The following ARID5B variants were observed in gnomAD, a reference collection of about 807,000 sequenced individuals.
ARID5B encodes AT-rich interactive domain-containing protein 5B.
A neutral mutation model predicts 97.2 loss-of-function variants in ARID5B; 13 were observed. The observed-to-expected ratio is 0.13, with a 90% CI of 0.09 to 0.21. The LOEUF (loss-of-function observed/expected upper bound fraction) is 0.21, where lower values mean the gene tolerates loss of function less well. ARID5B is among the 10% of genes least tolerant of loss of function. The probability of loss-of-function intolerance (pLI) is 1.00; values close to 1 mark genes in which losing one functional copy is unlikely to be tolerated. For synonymous variants in ARID5B, 556 were observed against 570.3 expected (o/e 0.97, Z 0.36); for missense variants, 1,210 against 1,465.3 (o/e 0.83, Z 2.84).
intron 1 of ARID5B, among the ~76,000 whole-genome samples, 177 bp downstream of exon 1, chr10:61,901,907 C>T (rs1843621282): frequency 6.6e-6 from 1 of 151,098 alleles, no homozygotes; most frequent in African/African-American, 2.4e-5. Flanking sequence ...ACTGATCATA[C>T]ATACATAATG....
chr10:61,985,125 G>C (rs1838829154), intron 3 of ARID5B, among the ~76,000 whole-genome samples: 1 of 151,752 alleles, frequency 6.6e-6, no homozygotes, highest in African/African-American at 2.4e-5. Context: ...AGCTTGAGGG[G>C]TTTCTCTTCC....
chr10:62,038,850 G>A (rs1222485924), intron 4 of ARID5B, among the ~76,000 whole-genome samples: 1 of 152,184 alleles, frequency 6.6e-6, no homozygotes, highest in Non-Finnish European at 1.5e-5. Flanking sequence ...GGGCAATGGA[G>A]CGTTTGCTTT....
intron 4 of ARID5B, among the ~76,000 whole-genome samples, chr10:62,010,212 T>G (rs758099790): frequency 1.3e-5 from 2 of 152,144 alleles, no homozygotes; most frequent in Non-Finnish European, 2.9e-5. Flanking sequence ...GCAGCAGTGG[T>G]AAAGGAGTGA....
At position 62,091,929 on chromosome 10, in the gene ARID5B, C is replaced by G. The variant is rs1840381661; in HGVS notation, c.2466C>G (p.Ser822=). 2 of 1,613,658 alleles carry G rather than the reference C, an allele frequency of 1.2e-6. No homozygotes were observed. Among genetic ancestry groups the G allele is most frequent in the Non-Finnish European group, 1.7e-6 (2 of 1,179,900 alleles). The part of the protein sequence containing the change: ...KLLEKRALPH[S]HMPSFLADFY... ...TAGAGAAAAGGGCCCTCCCCCATTC[C>G]CACATGCCTAGCTTCCTGGCTGACT... The change falls in exon 10 of 10, where the codon TCC becomes TCG. Residue 822 remains serine (S), a synonymous_variant. Transcript: ENST00000279873.
At chr10:61,984,862 G>A (rs1053729518) in intron 3 of ARID5B, among the ~76,000 whole-genome samples, 1 of 152,130 alleles carries the variant, frequency 6.6e-6, no homozygotes, top group Non-Finnish European at 1.5e-5. Flanking sequence ...GACCTTTTGA[G>A]GCAGCAGGGG....
intron 9 of ARID5B, among the ~76,000 whole-genome samples, chr10:62,088,017 A>G (rs1840315780): frequency 6.6e-6 from 1 of 152,044 alleles, no homozygotes; most frequent in Admixed American, 6.6e-5. Flanking sequence ...GGCATGCACC[A>G]CCACACCCGG....
intron 4 of ARID5B, among the ~76,000 whole-genome samples, chr10:62,047,497 G>A (rs1356183142): frequency 6.6e-6 from 1 of 152,080 alleles, no homozygotes; most frequent in Non-Finnish European, 1.5e-5. Flanking sequence ...TAAGGGTACT[G>A]CTCTCTCCCT....
At position 62,091,295 on chromosome 10, in the gene ARID5B, CGGA is replaced by C. The variant is rs771947365; in HGVS notation, c.1836_1838del (p.Glu612del). 157 of 1,614,192 alleles carry C rather than the reference CGGA, an allele frequency of 9.7e-5. 1 individual carries two copies. The East Asian group carries it at 2.1e-3, about 21-fold the overall frequency. On this transcript the variant is annotated inframe_deletion, in exon 10 of 10. Transcript: ENST00000279873. ...CCACCGCTGGCAAACCAGAATGAGACGGAGGATGACAAACTGCCCGCCATGGCA... is the reference window on the plus strand; with the variant it reads ...CCACCGCTGGCAAACCAGAATGAGACGGATGACAAACTGCCCGCCATGGCA...
intron 4 of ARID5B, among the ~76,000 whole-genome samples, chr10:62,039,717 G>A (rs551473889): frequency 1.3e-4 from 20 of 152,286 alleles, no homozygotes; most frequent in East Asian, 3.9e-4. Context: ...GAATGATTGC[G>A]GAAAGAATGT....
chr10:62,091,774 G>A lies in ARID5B; in HGVS notation c.2311G>A (p.Asp771Asn). 6.2e-7 allele frequency: 1 copy of A among 1,614,064 alleles called. No individual in the cohort carries two copies. The highest frequency in any genetic ancestry group is 8.5e-7 in the Non-Finnish European group (1 of 1,180,012). ...CTCGGAAGAGAGAAAGACCATCAATGACATCTTTAAGCATGAGAAACTGAG... is the reference window on the plus strand; with the variant it reads ...CTCGGAAGAGAGAAAGACCATCAATAACATCTTTAAGCATGAGAAACTGAG... ...KPSEERKTIN[D>N]IFKHEKLSRS... Residue 771 changes from aspartate (D) to asparagine (N), a missense_variant, in exon 10 of 10, where the codon GAC (aspartate) becomes AAC (asparagine). Asp to Asn is a conservative substitution (Grantham distance 23). This residue lies in a region of ARID5B where 800 missense variants were observed against 839.1 expected (regional missense o/e 0.95). Transcript: ENST00000279873.
chr10:61,969,543 T>C (rs1838595487), intron 3 of ARID5B, among the ~76,000 whole-genome samples: 1 of 152,142 alleles, frequency 6.6e-6, no homozygotes, highest in Non-Finnish European at 1.5e-5. Flanking sequence ...ACCTGGCATT[T>C]TGTGAAGGTG....
intron 3 of ARID5B, among the ~76,000 whole-genome samples, chr10:61,979,744 A>T (rs1300091828): frequency 6.6e-6 from 1 of 152,136 alleles, no homozygotes; most frequent in African/African-American, 2.4e-5. Context: ...ACCCACAAAA[A>T]TGCCTTTAGT....
chr10:61,908,243 T>C (rs1282798146), intron 2 of ARID5B, among the ~76,000 whole-genome samples: 1 of 152,230 alleles, frequency 6.6e-6, no homozygotes, highest in East Asian at 1.9e-4. Context: ...AGTACTCTGC[T>C]AGGTGAAGAG....
chr10:61,931,520 A>T (rs149610881), intron 2 of ARID5B, among the ~76,000 whole-genome samples: 1,870 of 152,332 alleles, frequency 0.012, 16 homozygotes, highest in Admixed American at 0.018. Flanking sequence ...TAATCAAAAT[A>T]TAAAACCTTT....
At chr10:62,087,525 T>C (rs7903722) in intron 9 of ARID5B, among the ~76,000 whole-genome samples, 101,002 of 148,898 alleles carry the variant, frequency 0.68, 34,706 homozygotes, top group Middle Eastern at 0.8. Context: ...AAAACGCTGC[T>C]GCCCATTAAA....
At chr10:62,027,197 C>T (rs1839431500) in intron 4 of ARID5B, among the ~76,000 whole-genome samples, 1 of 151,254 alleles carries the variant, frequency 6.6e-6, no homozygotes, top group African/African-American at 2.4e-5. Context: ...CACAGCTCCA[C>T]ACCAGCCTCC....
rs546079082 is a variant in ARID5B, at chr10:62,054,716, G to C, written c.847-2401G>C. Among the ~76,000 whole-genome samples, 26 of 152,282 alleles carry C rather than the reference G, an allele frequency of 1.7e-4. No individual in the cohort carries two copies. The South Asian group carries it at 5.2e-3, about 30-fold the overall frequency. On this transcript the variant is annotated intron_variant, in intron 5 of 9. Transcript: ENST00000279873. The stretch of plus-strand genomic sequence containing the variant: ...TTCTCCTTTTAACAGTGGTTCTTCT[G>C]ACCTAATAATATAGGTAGTTGGCCC...
chr10:61,941,924 C>G (rs1224305272), intron 3 of ARID5B, among the ~76,000 whole-genome samples: 1 of 152,142 alleles, frequency 6.6e-6, no homozygotes, highest in African/African-American at 2.4e-5. Flanking sequence ...AATAATACAT[C>G]TGTTGTGTTA....
chr10:62,049,207 G>C (rs750628116), intron 4 of ARID5B: 40 of 1,346,096 alleles, frequency 3.0e-5, no homozygotes, highest in Non-Finnish European at 3.5e-5. Context: ...GAGGTGGAGA[G>C]AGCAGAGCCC....
Sources: allele counts gnomAD v4.1 joint callset (sites outside exome capture counted in the v4.1 genomes callset), GRCh38; gene constraint gnomAD v4.1.1; regional missense constraint gnomAD v4.1.1; transcripts MANE v1.5; gene names NCBI Gene and HGNC (gene_info 2026-07-23, HGNC 2026-07-21).